The following PRKG1 variants were observed in gnomAD, a reference collection of about 807,000 sequenced individuals.
The protein encoded by PRKG1 is protein kinase cGMP-dependent 1.
A neutral mutation model predicts 88.1 loss-of-function variants in PRKG1; 35 were observed. The ratio of observed to expected loss-of-function variants is 0.40; its 90% CI spans 0.30 to 0.53. The LOEUF (loss-of-function observed/expected upper bound fraction) is 0.53, where lower values mean the gene tolerates loss of function less well. Ranked by LOEUF, PRKG1 falls within the 20% of genes least tolerant of loss-of-function variation. The pLI, the probability that PRKG1 is intolerant of heterozygous loss-of-function variation, is 0.59. For missense variants in PRKG1, 540 were observed against 839.8 expected (o/e 0.64, Z 4.41); for synonymous variants, 303 against 292.5 (o/e 1.04, Z -0.37).
At chr10:51,619,890 G>A (rs904686313) in intron 3 of PRKG1, among the ~76,000 whole-genome samples, 9 of 152,094 alleles carry the variant, frequency 5.9e-5, no homozygotes, top group African/African-American at 1.9e-4. Context: ...TGCTAGAGAA[G>A]CATCAATTGA....
rs1421548831 is a variant in PRKG1, at chr10:52,290,152, C to T, written c.1896-72C>T. On this transcript the variant is annotated intron_variant, in intron 16 of 17. Transcript: ENST00000373980. ...CTAACTGCTTCCCATTAGCCATGGACATTGTATACACTGCAATGAGAAGCT... is the reference window on the plus strand; with the variant it reads ...CTAACTGCTTCCCATTAGCCATGGATATTGTATACACTGCAATGAGAAGCT... The T allele has an allele frequency of 2.3e-6, 3 of 1,324,092 alleles. No individual in the cohort carries two copies. In the Admixed American group the frequency reaches 5.8e-5, roughly 25 times the overall value. 82.0% of individuals were successfully genotyped at this position (1,324,092 alleles called of 1,614,324 possible). A position where few individuals can be genotyped will look rare whatever the true frequency, so the allele number is the denominator to read the frequency against.
intron 9 of PRKG1, among the ~76,000 whole-genome samples, chr10:52,227,964 G>A (rs1271083569): frequency 2.0e-5 from 3 of 152,116 alleles, no homozygotes; most frequent in East Asian, 3.9e-4. Context: ...CTTTCCAGAG[G>A]AAGTTAGCGA....
At chr10:51,263,553 G>T (rs1019566009) in intron 2 of PRKG1, among the ~76,000 whole-genome samples, 53 of 151,986 alleles carry the variant, frequency 3.5e-4, no homozygotes, top group African/African-American at 1.2e-3. Flanking sequence ...TTTTATTATG[G>T]AAACACTGTA....
intron 2 of PRKG1, among the ~76,000 whole-genome samples, chr10:51,280,564 C>T (rs1169671765): frequency 6.6e-6 from 1 of 152,102 alleles, no homozygotes; most frequent in Non-Finnish European, 1.5e-5. Context: ...AGGCTTTGTT[C>T]ATTTCTTTTT....
chr10:50,994,372 C>A (rs548064726), intron 1 of PRKG1, among the ~76,000 whole-genome samples: 2 of 145,468 alleles, frequency 1.4e-5, no homozygotes, highest in African/African-American at 5.0e-5. Context: ...AAGGATTTGA[C>A]AAGTAGATAT....
intron 1 of PRKG1, among the ~76,000 whole-genome samples, chr10:51,057,155 G>T (rs1406382325): frequency 1.3e-5 from 2 of 152,168 alleles, no homozygotes; most frequent in African/African-American, 4.8e-5. Flanking sequence ...TATATTGTGT[G>T]TATATACACA....
At chr10:51,458,707 T>C (rs1839659587) in intron 2 of PRKG1, among the ~76,000 whole-genome samples, 1 of 152,142 alleles carries the variant, frequency 6.6e-6, no homozygotes, top group South Asian at 2.1e-4. Context: ...ATGACAAAGC[T>C]AAACAAATGG....
At chr10:51,878,198 A>G (rs1214716947) in intron 4 of PRKG1, among the ~76,000 whole-genome samples, 1 of 151,708 alleles carries the variant, frequency 6.6e-6, no homozygotes, top group African/African-American at 2.4e-5. Flanking sequence ...ATATATAAAT[A>G]TAAAGCAATA....
chr10:51,632,959 C>T (rs551894244), intron 3 of PRKG1, among the ~76,000 whole-genome samples: 14 of 152,114 alleles, frequency 9.2e-5, no homozygotes, highest in South Asian at 2.1e-4. Context: ...TATAAAATTC[C>T]TATTTTTAGA....
chr10:51,672,344 G>T (rs1644913813), intron 3 of PRKG1, among the ~76,000 whole-genome samples: 1 of 151,728 alleles, frequency 6.6e-6, no homozygotes, highest in Admixed American at 6.6e-5. Flanking sequence ...CTGTCTTCAA[G>T]TTTACTAATT....
intron 7 of PRKG1, among the ~76,000 whole-genome samples, chr10:52,109,927 A>C (rs1564472694): frequency 1.3e-5 from 2 of 151,888 alleles, no homozygotes; most frequent in Non-Finnish European, 2.9e-5. Context: ...GTATCACACC[A>C]CTTCCCACTT....
intron 5 of PRKG1, among the ~76,000 whole-genome samples, chr10:51,975,602 A>G (rs758066426): frequency 6.6e-6 from 1 of 152,108 alleles, no homozygotes; most frequent in African/African-American, 2.4e-5. Context: ...ATGTATATTT[A>G]TAAGTATGTT....
At position 51,972,172 on chromosome 10, in the gene PRKG1, T is replaced by G. The variant is rs150668596; in HGVS notation, c.762+64602T>G. On this transcript the variant is annotated intron_variant, in intron 5 of 17. Transcript: ENST00000373980. ...AGCATGTGTAATAATATGTTTCATA[T>G]GTTTAACATTTTTTACATAAATGGT... Among the ~76,000 whole-genome samples the G allele has an allele frequency of 3.8e-3, 575 of 152,336 alleles. 2 individuals carry two copies. The highest frequency in any genetic ancestry group is 0.012 in the African/African-American group (514 of 41,580).
chr10:52,006,447 C>G (rs1313105635), intron 5 of PRKG1, among the ~76,000 whole-genome samples: 2 of 151,728 alleles, frequency 1.3e-5, no homozygotes, highest in Admixed American at 6.6e-5. Context: ...CCAAACTAAT[C>G]TGATAGAGCT....
chr10:52,024,156 A>C (rs1845264675), intron 5 of PRKG1, among the ~76,000 whole-genome samples: 1 of 152,142 alleles, frequency 6.6e-6, no homozygotes, highest in Non-Finnish European at 1.5e-5. Context: ...CAAATGGAAA[A>C]ACATTCCATG....
At chr10:52,078,313 C>T (rs1325479861) in intron 7 of PRKG1, among the ~76,000 whole-genome samples, 1 of 151,984 alleles carries the variant, frequency 6.6e-6, no homozygotes, top group African/African-American at 2.4e-5. Flanking sequence ...TTAAAATAAC[C>T]ACTAATTATT....
chr10:51,994,529 G>A (rs778211675), intron 5 of PRKG1, among the ~76,000 whole-genome samples: 1 of 152,124 alleles, frequency 6.6e-6, no homozygotes, highest in Non-Finnish European at 1.5e-5. Context: ...TCATCTCTGC[G>A]ATAAGGCTAG....
intron 8 of PRKG1, among the ~76,000 whole-genome samples, chr10:52,149,020 A>G (rs1372519825): frequency 6.7e-6 from 1 of 148,864 alleles, no homozygotes; most frequent in African/African-American, 2.5e-5. Context: ...ACTGAAAAGA[A>G]AGAAAAGTCA....
chr10:51,902,064 G>A (rs548934534), intron 4 of PRKG1, among the ~76,000 whole-genome samples: 17 of 151,988 alleles, frequency 1.1e-4, no homozygotes, highest in Non-Finnish European at 1.9e-4. Flanking sequence ...TTTTCAAAGC[G>A]ATAATCTATT....
Sources: gnomAD v4.1 joint callset for allele counts (sites outside exome capture counted in the v4.1 genomes callset) on GRCh38, gnomAD v4.1.1 for gene constraint, MANE v1.5 for transcripts, NCBI Gene and HGNC (gene_info 2026-07-23, HGNC 2026-07-21) for gene names.